The following CNOT6 variants were observed in gnomAD, a reference collection of about 807,000 sequenced individuals.
CNOT6 encodes carbon catabolite repression 4 protein.
A neutral mutation model predicts 61.2 loss-of-function variants in CNOT6; 12 were observed. That is an observed-to-expected ratio of 0.20 (90% CI 0.13 to 0.32). CNOT6 has a LOEUF of 0.32. CNOT6 is among the 10% of genes least tolerant of loss of function. The pLI is 1.00. For synonymous variants in CNOT6, 225 were observed against 240.6 expected, an observed-to-expected ratio of 0.94 and a Z score of 0.60; for missense variants, 405 against 663.9, an observed-to-expected ratio of 0.61 and a Z score of 4.28.
intron 2 of CNOT6, among the ~76,000 whole-genome samples, chr5:180,538,318 C>T (rs188312739): frequency 3.7e-3 from 561 of 151,078 alleles, no homozygotes; most frequent in Non-Finnish European, 5.9e-3. Context: ...GGATGACAGG[C>T]GTGAGCCACC....
In CNOT6 at chr5:180,527,517, G is replaced by A. The variant is rs1195285457; in HGVS notation, c.-2-1758G>A. On this transcript the variant is annotated intron_variant, in intron 1 of 11. Coordinates refer to ENST00000261951, the MANE Select transcript of CNOT6 (RefSeq NM_001370472.1). ...CTGTAGTATTAAATACGTTCACATG[G>A]TTGTGTCCTGTGGTGTTATTTTAAA... is the stretch of plus-strand genomic sequence containing the variant. Among the ~76,000 whole-genome samples, 9 of 152,244 alleles carry A rather than the reference G, an allele frequency of 5.9e-5. No individual in the cohort carries two copies. In the South Asian group the frequency reaches 1.5e-3, roughly 25 times the overall value.
chr5:180,535,298 C>CT (rs1219127379), intron 2 of CNOT6, among the ~76,000 whole-genome samples: 1 of 152,214 alleles, frequency 6.6e-6, no homozygotes, highest in African/African-American at 2.4e-5. Context: ...CAAAAGGTAA[C>CT]TTTTTCACCT....
chr5:180,554,634 G>T (rs923157475), intron 4 of CNOT6, among the ~76,000 whole-genome samples: 1 of 151,780 alleles, frequency 6.6e-6, no homozygotes, highest in Non-Finnish European at 1.5e-5. Context: ...ACTAGCTAAG[G>T]CTTCTAAATA....
chr5:180,530,268 C>T (rs1005685878), intron 2 of CNOT6, among the ~76,000 whole-genome samples: 2 of 152,168 alleles, frequency 1.3e-5, no homozygotes, highest in East Asian at 1.9e-4. Flanking sequence ...TTTTACCTGG[C>T]GCTGGCCCAC....
At chr5:180,510,890 C>T (rs1315343515) in intron 1 of CNOT6, among the ~76,000 whole-genome samples, 2 of 152,084 alleles carry the variant, frequency 1.3e-5, no homozygotes, top group Non-Finnish European at 2.9e-5. Context: ...CTGCAATCTC[C>T]ATCTCCCGGG....
chr5:180,529,027 G>T (rs1758223932), intron 1 of CNOT6, among the ~76,000 whole-genome samples: 1 of 151,972 alleles, frequency 6.6e-6, no homozygotes. Context: ...TGGCCAATAT[G>T]GTGAAACCCC....
rs1350293886 is a variant in CNOT6, at chr5:180,578,277, T to C, written c.*4077T>C. 6.6e-6 allele frequency: 1 copy of C among 152,664 alleles called. No individual in the cohort carries two copies. Among genetic ancestry groups the C allele is most frequent in the African/African-American group, 2.4e-5 (1 of 41,454 alleles). The allele number at this position is 152,664 out of a possible 1,614,324, so 9.5% of individuals were successfully genotyped here. A position where few individuals can be genotyped will look rare whatever the true frequency, so the allele number is the denominator to read the frequency against. On this transcript the variant is annotated 3_prime_UTR_variant, in exon 12 of 12. Transcript: ENST00000261951. ...TGTTGTTACCTTATACCTCATGATA[T>C]AAGGAATGGGCTCATGTGTCTTCCG...
rs185333781 is a variant in CNOT6 at position 180,529,837 on chromosome 5, T to C, written c.112+449T>C. On this transcript the variant is annotated intron_variant, in intron 2 of 11. Coordinates refer to ENST00000261951, the MANE Select transcript of CNOT6 (RefSeq NM_001370472.1). ...GGTTTGTTTCTCCTTATTTTCTTCA[T>C]TGGCTTCTGAGTCTGAGTCACTGAG... Among the ~76,000 whole-genome samples the C allele has an allele frequency of 1.1e-3, 174 of 152,356 alleles. 1 individual carries two copies. The highest frequency in any genetic ancestry group is 3.7e-3 in the African/African-American group (155 of 41,582).
intron 1 of CNOT6, among the ~76,000 whole-genome samples, chr5:180,506,701 A>C (rs1757145167): frequency 6.6e-6 from 1 of 152,150 alleles, no homozygotes; most frequent in African/African-American, 2.4e-5. Flanking sequence ...TTGGATATTA[A>C]AGTCCTTTCT....
intron 1 of CNOT6, among the ~76,000 whole-genome samples, chr5:180,511,795 A>C (rs915527156): frequency 3.9e-5 from 6 of 152,042 alleles, no homozygotes; most frequent in African/African-American, 1.4e-4. Context: ...AAAAATAAAA[A>C]ATTTTTTTGA....
rs951300144 is a variant in CNOT6 at position 180,577,551 on chromosome 5, A to T, written c.*3351A>T. 2 of 152,648 alleles carry T rather than the reference A, an allele frequency of 1.3e-5. No individual in the cohort carries two copies. The highest frequency in any genetic ancestry group is 2.4e-5 in the African/African-American group (1 of 41,448). 9.5% of individuals were successfully genotyped at this position (152,648 alleles called of 1,614,324 possible). A position where few individuals can be genotyped will look rare whatever the true frequency, so the allele number is the denominator to read the frequency against. ...AGAACTCCTTCAGCAGGTGTTCTTC[A>T]CCATTCGTAAACAGTATTTTAAGAT... On this transcript the variant is annotated 3_prime_UTR_variant, in exon 12 of 12. Coordinates refer to ENST00000261951, the MANE Select transcript of CNOT6 (RefSeq NM_001370472.1).
In CNOT6 at chr5:180,543,654, T is replaced by G. The variant is rs763059774; in HGVS notation, c.113-6277T>G. Among the ~76,000 whole-genome samples, 31 of 152,234 alleles carry G rather than the reference T, an allele frequency of 2.0e-4. 1 individual carries two copies. The highest frequency in any genetic ancestry group is 3.7e-4 in the Non-Finnish European group (25 of 68,044). ...GCAAAGACGACTCAGCTTTAAAATT[T>G]TAGTAGATATTACCAGATTGGCTTC... On this transcript the variant is annotated intron_variant, in intron 2 of 11. Transcript: ENST00000261951.
At chr5:180,571,801 G>C (rs1227613113) in intron 11 of CNOT6, among the ~76,000 whole-genome samples, 1 of 152,062 alleles carries the variant, frequency 6.6e-6, no homozygotes, top group Admixed American at 6.6e-5. Flanking sequence ...GGCCTCAAAT[G>C]ATTCTTCCAC....
chr5:180,514,301 A>C (rs557378214), intron 1 of CNOT6, among the ~76,000 whole-genome samples: 1 of 152,272 alleles, frequency 6.6e-6, no homozygotes, highest in African/African-American at 2.4e-5. Flanking sequence ...GGGCGCCTGT[A>C]ATCCCATCTA....
intron 1 of CNOT6, among the ~76,000 whole-genome samples, chr5:180,511,847 C>G (rs1757413969): frequency 1.3e-5 from 2 of 152,112 alleles, no homozygotes; most frequent in African/African-American, 4.8e-5. Context: ...GCCTTGAACT[C>G]CTGGGCTCAA....
intron 3 of CNOT6, among the ~76,000 whole-genome samples, chr5:180,553,059 A>G (rs1259624637): frequency 6.6e-6 from 1 of 152,214 alleles, no homozygotes; most frequent in Non-Finnish European, 1.5e-5. Flanking sequence ...GCCAGTTTGC[A>G]AACTGTCTTG....
chr5:180,553,417 G>A lies in CNOT6; in HGVS notation c.331G>A (p.Val111Ile), dbSNP rs759518869. The A allele has an allele frequency of 6.2e-7, 1 of 1,613,894 alleles. No homozygotes were observed. Among genetic ancestry groups the A allele is most frequent in the South Asian group, 1.1e-5 (1 of 91,056 alleles). The change falls in exon 4 of 12, where the codon GTT becomes ATT. Residue 111 changes from valine to isoleucine, a missense_variant. By Grantham distance (29) the Val-to-Ile change is conservative. Coordinates refer to ENST00000261951, the MANE Select transcript of CNOT6 (RefSeq NM_001370472.1). ...ELHLNNNLLR[V>I]LPFELGKLFQ... is the part of the protein sequence containing the mutation. ...CCATTTAAATAACAACCTGTTACGA[G>A]TTCTACCTTTTGAGCTGGGAAAACT...
chr5:180,566,277 C>T (rs910263489), intron 7 of CNOT6, among the ~76,000 whole-genome samples: 2 of 152,190 alleles, frequency 1.3e-5, no homozygotes, highest in South Asian at 2.1e-4. Flanking sequence ...GAAATTCTAG[C>T]GTGGTCAAGC....
intron 2 of CNOT6, among the ~76,000 whole-genome samples, chr5:180,538,075 G>T (rs1758809000): frequency 1.7e-5 from 2 of 118,086 alleles, no homozygotes; most frequent in Non-Finnish European, 3.2e-5. Context: ...GTCTCGCTCT[G>T]TTGCTCAGGC....
Sources: gnomAD v4.1 joint callset for allele counts (sites outside exome capture counted in the v4.1 genomes callset) on GRCh38, gnomAD v4.1.1 for gene constraint, MANE v1.5 for transcripts, NCBI Gene and HGNC (gene_info 2026-07-23, HGNC 2026-07-21) for gene names.